Variants in ACER2 observed in about 807,000 individuals in gnomAD.
The protein encoded by ACER2 is alkaline ceramidase 2.
A neutral mutation model predicts 34.7 loss-of-function variants in ACER2; 26 were observed. The ratio of observed to expected loss-of-function variants is 0.75; its 90% CI spans 0.55 to 1.04. The LOEUF (loss-of-function observed/expected upper bound fraction) is 1.04. Among genes scored for constraint, ACER2 ranks in the 50% least tolerant of loss-of-function variants. The pLI, the probability that ACER2 is intolerant of heterozygous loss-of-function variation, is 0.00. For synonymous variants in ACER2, 138 were observed against 132.1 expected (o/e 1.04, Z -0.31); for missense variants, 352 against 340.8 (o/e 1.03, Z -0.26).
chr9:19,435,076 G>C lies in ACER2; in HGVS notation c.495G>C (p.Glu165Asp). ...CTTGCACTGCACTGCTCATCGCAGA[G>C]CTAAAGAGGTAGGTGCCATCATTCC... is the stretch of plus-strand genomic sequence containing the variant. ...GVPCTALLIA[E>D]LKRCDNMRVF... The change falls in exon 4 of 6, where the codon GAG (glutamate) becomes GAC (aspartate). Residue 165 changes from glutamate to aspartate, a missense_variant. Physicochemically the swap from Glu to Asp is conservative, Grantham distance 45 (BLOSUM62 2). Coordinates refer to ENST00000340967, the MANE Select transcript of ACER2 (RefSeq NM_001010887.3). The C allele has an allele frequency of 6.2e-7, 1 of 1,614,112 alleles. No homozygotes were observed. Among genetic ancestry groups the C allele is most frequent in the Non-Finnish European group, 8.5e-7 (1 of 1,180,012 alleles).
At chr9:19,437,750 C>G (rs935391903) in intron 4 of ACER2, among the ~76,000 whole-genome samples, 1 of 152,060 alleles carries the variant, frequency 6.6e-6, no homozygotes, top group African/African-American at 2.4e-5. Flanking sequence ...AAAATCCTAC[C>G]CCTTCTGCAA....
intron 4 of ACER2, among the ~76,000 whole-genome samples, chr9:19,445,409 C>G (rs1230832953): frequency 6.6e-6 from 1 of 152,154 alleles, no homozygotes; most frequent in Non-Finnish European, 1.5e-5. Flanking sequence ...ACTGGAAACA[C>G]ATAAGTGAAA....
intron 5 of ACER2, among the ~76,000 whole-genome samples, chr9:19,447,217 A>G (rs992573544): frequency 1.3e-5 from 2 of 152,212 alleles, no homozygotes; most frequent in African/African-American, 4.8e-5. Flanking sequence ...TATCCCCTAT[A>G]GGTAGGAGGA....
At position 19,434,113 on chromosome 9, in the gene ACER2, G is replaced by C. The variant is rs1472424523; in HGVS notation, c.366-834G>C. Among the ~76,000 whole-genome samples the C allele has an allele frequency of 5.3e-5, 8 of 151,500 alleles. No homozygotes were observed. In the East Asian group the frequency reaches 7.9e-4, roughly 15 times the overall value. On this transcript the variant is annotated intron_variant, in intron 3 of 5. Transcript: ENST00000340967. ...CCAGACGGGGTGGCGGCCGGGCAGA[G>C]GCGCTCCTCACATCCCAGACAGGGC...
chr9:19,420,915 G>A (rs956243430), intron 1 of ACER2, among the ~76,000 whole-genome samples: 2 of 152,124 alleles, frequency 1.3e-5, no homozygotes, highest in African/African-American at 4.8e-5. Flanking sequence ...TCACCTCTTA[G>A]TACAGTTGTG....
At chr9:19,443,914 C>A (rs1234032596) in intron 4 of ACER2, among the ~76,000 whole-genome samples, 1 of 152,132 alleles carries the variant, frequency 6.6e-6, no homozygotes, top group African/African-American at 2.4e-5. Context: ...ACCTTGGCCT[C>A]CCAAAGTGCT....
chr9:19,413,605 A>G (rs1247075181), intron 1 of ACER2, among the ~76,000 whole-genome samples: 1 of 74,510 alleles, frequency 1.3e-5, no homozygotes, highest in Non-Finnish European at 2.3e-5. Flanking sequence ...ATCTTAAGGA[A>G]AAAAAAAAAA....
intron 3 of ACER2, among the ~76,000 whole-genome samples, chr9:19,433,814 C>T (rs1182815350): frequency 3.5e-5 from 5 of 141,276 alleles, no homozygotes; most frequent in Admixed American, 1.4e-4. Context: ...CCGGACGGGG[C>T]GGCTGGCCGG....
At chr9:19,442,738 T>G (rs1363051829) in intron 4 of ACER2, among the ~76,000 whole-genome samples, 1 of 152,278 alleles carries the variant, frequency 6.6e-6, no homozygotes, top group Non-Finnish European at 1.5e-5. Context: ...TTGATATTTG[T>G]TCTTGCCTAT....
chr9:19,435,340 T>C (rs550617239), intron 4 of ACER2, among the ~76,000 whole-genome samples: 1 of 152,306 alleles, frequency 6.6e-6, no homozygotes, highest in South Asian at 2.1e-4. Flanking sequence ...ACCATCTCAG[T>C]ACCTAGATCA....
At chr9:19,431,271 T>G (rs1830745840) in intron 3 of ACER2, among the ~76,000 whole-genome samples, 1 of 152,216 alleles carries the variant, frequency 6.6e-6, no homozygotes, top group Admixed American at 6.5e-5. Context: ...TTAATTTTTA[T>G]GTGGGAAAGG....
rs1181746749 is a variant in ACER2 at position 19,451,526 on chromosome 9, A to C, written c.*890A>C. On this transcript the variant is annotated 3_prime_UTR_variant, in exon 6 of 6. Transcript: ENST00000340967. ...AGTAAAACCCTCTCTGCCAAAACCTACACTCCACTTTAGGCCCTTCTTGAA... is the reference window on the plus strand; with the variant it reads ...AGTAAAACCCTCTCTGCCAAAACCTCCACTCCACTTTAGGCCCTTCTTGAA... The C allele has an allele frequency of 6.6e-6, 1 of 152,630 alleles. No homozygotes were observed. The highest frequency in any genetic ancestry group is 1.5e-5 in the Non-Finnish European group (1 of 68,042). The allele number at this position is 152,630 out of a possible 1,614,324, so 9.5% of individuals were successfully genotyped here.
intron 4 of ACER2, among the ~76,000 whole-genome samples, chr9:19,440,355 C>G (rs971762737): frequency 6.6e-6 from 1 of 152,182 alleles, no homozygotes; most frequent in Non-Finnish European, 1.5e-5. Context: ...TGTATCTCCC[C>G]TGAATTCATA....
At chr9:19,432,022 T>C (rs1830770105) in intron 3 of ACER2, among the ~76,000 whole-genome samples, 1 of 152,224 alleles carries the variant, frequency 6.6e-6, no homozygotes, top group Non-Finnish European at 1.5e-5. Context: ...GGAAATCATC[T>C]AGTCCAGCCT....
intron 4 of ACER2, among the ~76,000 whole-genome samples, chr9:19,435,317 C>T (rs893072719): frequency 2.6e-5 from 4 of 152,192 alleles, no homozygotes; most frequent in African/African-American, 9.6e-5. Context: ...TGATCACAAG[C>T]TAGCTTACCA....
intron 3 of ACER2, among the ~76,000 whole-genome samples, chr9:19,428,475 G>A (rs904143897): frequency 6.6e-6 from 1 of 151,956 alleles, no homozygotes; most frequent in Non-Finnish European, 1.5e-5. Flanking sequence ...GCCTTTGCTG[G>A]AATATTCTAA....
At chr9:19,439,387 C>T (rs952630665) in intron 4 of ACER2, among the ~76,000 whole-genome samples, 3 of 146,856 alleles carry the variant, frequency 2.0e-5, no homozygotes, top group African/African-American at 7.5e-5. Flanking sequence ...GTCACCCAGG[C>T]TGGAGTGCAG....
intron 4 of ACER2, among the ~76,000 whole-genome samples, chr9:19,438,820 C>G (rs1016522949): frequency 3.3e-5 from 5 of 152,150 alleles, no homozygotes; most frequent in African/African-American, 7.2e-5. Context: ...GGATCTTGCT[C>G]TGTTGCCCAG....
At chr9:19,444,955 C>T (rs1024377174) in intron 4 of ACER2, among the ~76,000 whole-genome samples, 1 of 152,196 alleles carries the variant, frequency 6.6e-6, no homozygotes, top group Non-Finnish European at 1.5e-5. Flanking sequence ...TTTATTGATG[C>T]TTTCGCTGAT....
Sources: gnomAD v4.1 joint callset for allele counts (sites outside exome capture counted in the v4.1 genomes callset) on GRCh38, gnomAD v4.1.1 for gene constraint, MANE v1.5 for transcripts, NCBI Gene and HGNC (gene_info 2026-07-23, HGNC 2026-07-21) for gene names.